The following SPATA22 variants were observed in gnomAD, a reference collection of about 807,000 sequenced individuals.
The protein encoded by SPATA22 is spermatogenesis-associated protein 22.
SPATA22 carries 29 observed loss-of-function variants against 47.8 expected under a neutral mutation model. The observed-to-expected ratio is 0.61, with a 90% CI of 0.45 to 0.83. SPATA22 has a LOEUF of 0.83. Ranked by LOEUF, SPATA22 falls within the 40% of genes least tolerant of loss-of-function variation. The pLI, the probability that SPATA22 is intolerant of heterozygous loss-of-function variation, is 0.00. For synonymous variants in SPATA22, 133 were observed against 140.9 expected (o/e 0.94, Z 0.40); for missense variants, 410 against 421.7 (o/e 0.97, Z 0.24).
At chr17:3,494,548 A>T in intron 1 of SPATA22, 1 of 1,100,886 alleles carries the variant, frequency 9.1e-7, no homozygotes, top group Admixed American at 1.7e-5. Context: ...CTTCGCGTAC[A>T]TTCGCCCATT....
At chr17:3,495,228 G>C (rs561575063) in intron 1 of SPATA22, among the ~76,000 whole-genome samples, 1 of 152,204 alleles carries the variant, frequency 6.6e-6, no homozygotes, top group African/African-American at 2.4e-5. Context: ...CCAGACCTCA[G>C]AGATGGAAGA....
At chr17:3,479,761 G>A (rs961784777) in intron 1 of SPATA22, among the ~76,000 whole-genome samples, 1 of 152,108 alleles carries the variant, frequency 6.6e-6, no homozygotes, top group African/African-American at 2.4e-5. Flanking sequence ...CTCATTCCAG[G>A]CAGGAATTAG....
chr17:3,452,896 C>G (rs916919830), intron 5 of SPATA22, among the ~76,000 whole-genome samples: 1 of 152,082 alleles, frequency 6.6e-6, no homozygotes, highest in Non-Finnish European at 1.5e-5. Flanking sequence ...TCAAAAACCT[C>G]TCAACAAAGA....
chr17:3,486,252 A>T (rs991897092), intron 1 of SPATA22, among the ~76,000 whole-genome samples: 1 of 152,154 alleles, frequency 6.6e-6, no homozygotes, highest in Non-Finnish European at 1.5e-5. Context: ...TCATTTTTAT[A>T]ATGGGCAGTA....
intron 1 of SPATA22, chr17:3,498,784 T>C: frequency 8.7e-7 from 1 of 1,150,818 alleles, no homozygotes. Context: ...AAGTATCTCT[T>C]TTAAAACAAC....
At position 3,494,331 on chromosome 17, in the gene SPATA22, CA is replaced by C; in HGVS notation, c.-74+19080del. On this transcript the variant is annotated intron_variant, in intron 1 of 8. Coordinates refer to the SPATA22 transcript ENST00000541913. Reference sequence around the variant, plus strand: ...GAGATGTTTTTAGTTGCCATTGATACATATTGTTTTTGTCATAGGAAAAGAA... The same window carrying C: ...GAGATGTTTTTAGTTGCCATTGATACTATTGTTTTTGTCATAGGAAAAGAA... 1 of 1,556,278 alleles carries C rather than the reference CA, an allele frequency of 6.4e-7. No individual in the cohort carries two copies. Among genetic ancestry groups the C allele is most frequent in the East Asian group, 2.2e-5 (1 of 44,618 alleles).
At chr17:3,449,938 A>C (rs1009360052) in intron 5 of SPATA22, among the ~76,000 whole-genome samples, 1 of 151,872 alleles carries the variant, frequency 6.6e-6, no homozygotes, top group African/African-American at 2.4e-5. Context: ...CTCTAGCATC[A>C]ATCTCCCAGG....
In SPATA22 at chr17:3,485,934, C is replaced by CTTTT. The variant is rs145731380; in HGVS notation, c.-73-16540_-73-16537dup. On this transcript the variant is annotated intron_variant, in intron 1 of 8. Coordinates refer to the SPATA22 transcript ENST00000541913. This position sits in a 1 kb window ranked among gnomAD's most constrained non-coding sequence, Gnocchi z 4.4. The stretch of plus-strand genomic sequence containing the variant: ...CAGTGGTTGCATTCTAGGAGGGAAC[C>CTTTT]TTTTTTTTTTTTTTTGAGACGGAGT... Among the ~76,000 whole-genome samples, 3 of 142,394 alleles carry CTTTT rather than the reference C, an allele frequency of 2.1e-5. No homozygotes were observed. The highest frequency in any genetic ancestry group is 3.1e-5 in the Non-Finnish European group (2 of 65,558). The allele number at this position is 142,394 out of a possible 152,430, so 93.4% of individuals were successfully genotyped here. A position where few individuals can be genotyped will look rare whatever the true frequency, so the allele number is the denominator to read the frequency against.
At chr17:3,446,933 T>C (rs2072739144) in intron 6 of SPATA22, among the ~76,000 whole-genome samples, 1 of 152,134 alleles carries the variant, frequency 6.6e-6, no homozygotes, top group African/African-American at 2.4e-5. Flanking sequence ...GCACTCACAC[T>C]CTAGGGGACT....
At chr17:3,466,968 A>T (rs1388322294) in intron 3 of SPATA22, among the ~76,000 whole-genome samples, 6 of 152,222 alleles carry the variant, frequency 3.9e-5, no homozygotes, top group Admixed American at 2.6e-4. Flanking sequence ...CCATAAAAAG[A>T]GAAAAAGACT....
chr17:3,441,337 CAAAT>C (rs1395491166), intron 8 of SPATA22: 5 of 151,530 alleles, frequency 3.3e-5, no homozygotes, highest in Admixed American at 2.6e-4. Flanking sequence ...AAGAAAAAGA[CAAAT>C]AAGAGAAGAA....
intron 7 of SPATA22, among the ~76,000 whole-genome samples, chr17:3,443,785 AC>A (rs1215196914): frequency 3.3e-5 from 5 of 152,100 alleles, no homozygotes; most frequent in African/African-American, 1.2e-4. Flanking sequence ...ATTTTCATAT[AC>A]ATACAATATA....
At chr17:3,452,261 G>C (rs1321644616) in intron 5 of SPATA22, among the ~76,000 whole-genome samples, 1 of 149,278 alleles carries the variant, frequency 6.7e-6, no homozygotes, top group Non-Finnish European at 1.5e-5. Context: ...AATAAGACTA[G>C]AGTAGAAATA....
intron 3 of SPATA22, among the ~76,000 whole-genome samples, chr17:3,464,091 C>T (rs1213815969): frequency 2.0e-5 from 3 of 152,012 alleles, no homozygotes; most frequent in Non-Finnish European, 4.4e-5. Context: ...CCTGATTCTC[C>T]TGCCTCACCC....
intron 1 of SPATA22, among the ~76,000 whole-genome samples, chr17:3,482,863 A>C (rs545745120): frequency 1.7e-3 from 253 of 151,080 alleles, no homozygotes; most frequent in Middle Eastern, 6.8e-3. Flanking sequence ...ATATGTATAC[A>C]TGTGCCATGT....
chr17:3,500,971 A>G (rs1160243158), intron 1 of SPATA22: 1 of 152,092 alleles, frequency 6.6e-6, no homozygotes, highest in Non-Finnish European at 1.5e-5. Context: ...ATTCCTTTCA[A>G]AATACTACTG....
At chr17:3,448,016 T>C (rs768156826) in intron 6 of SPATA22, among the ~76,000 whole-genome samples, 6 of 152,160 alleles carry the variant, frequency 3.9e-5, no homozygotes, top group Non-Finnish European at 7.3e-5. Context: ...ACACATAATA[T>C]ATAAATAACA....
chr17:3,456,253 C>G (rs2072993966), intron 5 of SPATA22, among the ~76,000 whole-genome samples: 1 of 151,324 alleles, frequency 6.6e-6, no homozygotes, highest in Admixed American at 6.6e-5. Flanking sequence ...ATTAATGAAT[C>G]CAGGAGCTGG....
chr17:3,481,689 C>T, intron 1 of SPATA22: 1 of 1,613,732 alleles, frequency 6.2e-7, no homozygotes, highest in South Asian at 1.1e-5. Flanking sequence ...AGTGAAGATT[C>T]CTATGACATT....
Sources: gnomAD v4.1 joint callset for allele counts (sites outside exome capture counted in the v4.1 genomes callset) on GRCh38, gnomAD v4.1.1 for gene constraint, Gnocchi (gnomAD v3.1) non-coding constraint, MANE v1.5 for transcripts, NCBI Gene and HGNC (gene_info 2026-07-23, HGNC 2026-07-21) for gene names.